CIITA: variants seen among roughly 807,000 people sequenced by gnomAD.
CIITA encodes the protein class II major histocompatibility complex transactivator.
CIITA carries 72 observed loss-of-function variants against 115.1 expected under a neutral mutation model. The ratio of observed to expected loss-of-function variants is 0.63; its 90% CI spans 0.52 to 0.76. CIITA has a LOEUF of 0.76. CIITA is among the 30% of genes least tolerant of loss of function. The pLI is 0.00. For missense variants in CIITA, 1,617 were observed against 1,463.8 expected (o/e 1.10, Z -1.71); for synonymous variants, 763 against 635.6 (o/e 1.20, Z -3.02).
In CIITA at chr16:10,904,693, C is replaced by A. The variant is rs768812733; in HGVS notation, c.938-51C>A. ...CTAAGTGGCCCAGAGGGAGGGGGGT[C>A]CCCAGGGGTAACCCTCACCCTAAAT... On this transcript the variant is annotated intron_variant, in intron 9 of 19. Coordinates refer to ENST00000324288, the MANE Select transcript of CIITA (RefSeq NM_000246.4). 8.1e-6 allele frequency: 13 copies of A among 1,600,028 alleles called. No homozygotes were observed. The East Asian group carries it at 2.9e-4, about 36-fold the overall frequency.
chr16:10,907,624 T>G lies in CIITA; in HGVS notation c.2132T>G (p.Phe711Cys), dbSNP rs2039265993. ...AAESELAFPS[F>C]LLQCFLGALW... ...GAGTCCGAGCTGGCCTTCCCCAGCT[T>G]CCTCCTGCAATGCTTCCTGGGGGCC... The change falls in exon 11 of 20, where the codon TTC becomes TGC. Residue 711 changes from phenylalanine (F) to cysteine (C), a missense_variant. Phe to Cys is a radical substitution (Grantham distance 205). Coordinates refer to ENST00000324288, the MANE Select transcript of CIITA (RefSeq NM_000246.4). This position sits in a 1 kb window ranked among gnomAD's most constrained non-coding sequence, Gnocchi z 5.0. 1.2e-6 allele frequency: 2 copies of G among 1,614,156 alleles called. No homozygotes were observed. The highest frequency in any genetic ancestry group is 1.7e-6 in the Non-Finnish European group (2 of 1,180,014).
At chr16:10,890,150 G>A (rs1596475220) in intron 1 of CIITA, among the ~76,000 whole-genome samples, 1 of 152,238 alleles carries the variant, frequency 6.6e-6, no homozygotes, top group African/African-American at 2.4e-5. Context: ...CTTCTGGGAG[G>A]GGGTTTCTTC....
intron 1 of CIITA, chr16:10,866,386 G>GTCCTCT (rs1276888744): frequency 2.1e-5 from 12 of 566,802 alleles, no homozygotes; most frequent in South Asian, 1.5e-4. Flanking sequence ...CCTGCTGAAG[G>GTCCTCT]AGGACCTCCT....
At chr16:10,915,106 A>T in intron 13 of CIITA, 1 of 451,728 alleles carries the variant, frequency 2.2e-6, no homozygotes, top group Non-Finnish European at 4.4e-6. Flanking sequence ...GCTGGAGTGC[A>T]GTGGTGTGAT....
At position 10,893,804 on chromosome 16, in the gene CIITA, T is replaced by TAAAAAAAAAA; in HGVS notation, c.53-1457_53-1448dup. Among the ~76,000 whole-genome samples the TAAAAAAAAAA allele has an allele frequency of 6.1e-3, 197 of 32,170 alleles. 22 individuals carry two copies. Among genetic ancestry groups the TAAAAAAAAAA allele is most frequent in the East Asian group, 0.013 (8 of 598 alleles). 21.1% of individuals were successfully genotyped at this position (32,170 alleles called of 152,430 possible). A position where few individuals can be genotyped will look rare whatever the true frequency, so the allele number is the denominator to read the frequency against. Reference sequence around the variant, plus strand: ...AGCCTGGGTGACAGAGACTCCGTCTTAAAAAAAAAAAAAAAAAAAAAAAAA... The same window carrying TAAAAAAAAAA: ...AGCCTGGGTGACAGAGACTCCGTCTTAAAAAAAAAAAAAAAAAAAAAAAAAAAAAAAAAAA... On this transcript the variant is annotated intron_variant, in intron 1 of 19. Coordinates refer to ENST00000324288, the MANE Select transcript of CIITA (RefSeq NM_000246.4).
At chr16:10,868,542 A>C (rs1371060847) in intron 1 of CIITA, among the ~76,000 whole-genome samples, 4 of 152,134 alleles carry the variant, frequency 2.6e-5, no homozygotes, top group Non-Finnish European at 5.9e-5. Context: ...ACCTAGGCAA[A>C]GGGGCATCTT....
chr16:10,904,780 G>A lies in CIITA; in HGVS notation c.974G>A (p.Gly325Glu), dbSNP rs775466036. The A allele has an allele frequency of 6.2e-7, 1 of 1,614,192 alleles. No homozygotes were observed. The highest frequency in any genetic ancestry group is 8.5e-7 in the Non-Finnish European group (1 of 1,180,020). Residue 325 changes from glycine (G) to glutamate (E), a missense_variant, in exon 10 of 20, where the codon GGA becomes GAA. Transcript: ENST00000324288. ...KTSPTQCPAA[G>E]EVSNKLPKWP... ...TCCCCCACCCAATGCCCGGCAGCTG[G>A]AGAGGTCTCCAACAAGCTTCCAAAA...
In CIITA at chr16:10,915,585, A is replaced by T. The variant is rs373511328; in HGVS notation, c.2904A>T (p.Ser968=). 1 of 1,614,074 alleles carries T rather than the reference A, an allele frequency of 6.2e-7. No homozygotes were observed. The highest frequency in any genetic ancestry group is 1.1e-5 in the South Asian group (1 of 91,082). ...KKLEFALGPV[S]GPQAFPKLVR... is the part of the protein sequence containing the mutation. Reference sequence around the variant, plus strand: ...TGCCTCCTAGGCTGGGCCCTGTCTCAGGCCCCCAGGCTTTCCCCAAACTGG... The same window carrying T: ...TGCCTCCTAGGCTGGGCCCTGTCTCTGGCCCCCAGGCTTTCCCCAAACTGG... The change falls in exon 14 of 20, where the codon TCA becomes TCT. Residue 968 remains serine (S), a synonymous_variant. Transcript: ENST00000324288.
rs772294009 is a variant in CIITA at position 10,895,388 on chromosome 16, G to A, written c.159G>A (p.Gln53=). 1 of 1,614,076 alleles carries A rather than the reference G, an allele frequency of 6.2e-7. No homozygotes were observed. Among genetic ancestry groups the A allele is most frequent in the South Asian group, 1.1e-5 (1 of 91,078 alleles). Residue 53 remains glutamine, a synonymous_variant, in exon 2 of 20, where the codon CAG becomes CAA. Coordinates refer to ENST00000324288, the MANE Select transcript of CIITA (RefSeq NM_000246.4). The stretch of plus-strand genomic sequence containing the variant: ...TGTGCCTCTACCACTTCTATGACCA[G>A]ATGGACCTGGCTGGAGAAGAAGAGA... ...DPLCLYHFYD[Q]MDLAGEEEIE... is the part of the protein sequence containing the mutation.
Position 10,918,746 on chromosome 16 carries a change from T to C in CIITA, c.3149+220T>C, listed in dbSNP as rs1361471161. On this transcript the variant is annotated intron_variant, in intron 16 of 19. Coordinates refer to ENST00000324288, the MANE Select transcript of CIITA (RefSeq NM_000246.4). ...ACCTGGAAAATGGGAACCATCCTAA[T>C]GGTCTATGTAAGCACTTGTCACAAT... is the stretch of plus-strand genomic sequence containing the variant. Among the ~76,000 whole-genome samples the C allele has an allele frequency of 2.0e-5, 3 of 152,244 alleles. No individual in the cohort carries two copies. In the East Asian group the frequency reaches 5.8e-4, roughly 29 times the overall value.
At chr16:10,898,891 T>G in intron 4 of CIITA, 34 bp from the exon 5 acceptor site, 1 of 1,611,842 alleles carries the variant, frequency 6.2e-7, no homozygotes, top group Non-Finnish European at 8.5e-7. Flanking sequence ...TTTCATTGAT[T>G]GTGTGAGTTG....
Position 10,926,578 on chromosome 16 carries a change from T to A in CIITA, c.*2723T>A, listed in dbSNP as rs1048403612. ...TTTTGAGACAGAGTTTTCACTCTTA[T>A]TGCCCACGCTGGAGTGCAGTGGCAT... is the stretch of plus-strand genomic sequence containing the variant. On this transcript the variant is annotated 3_prime_UTR_variant, in exon 20 of 20. Coordinates refer to ENST00000324288, the MANE Select transcript of CIITA (RefSeq NM_000246.4). 5 of 152,266 alleles carry A rather than the reference T, an allele frequency of 3.3e-5. No individual in the cohort carries two copies. The highest frequency in any genetic ancestry group is 3.3e-4 in the Admixed American group (5 of 15,284). 9.4% of individuals were successfully genotyped at this position (152,266 alleles called of 1,614,324 possible). A position where few individuals can be genotyped will look rare whatever the true frequency, so the allele number is the denominator to read the frequency against.
At chr16:10,914,084 C>G (rs1463600760) in intron 13 of CIITA, among the ~76,000 whole-genome samples, 1 of 152,104 alleles carries the variant, frequency 6.6e-6, no homozygotes, top group African/African-American at 2.4e-5. Flanking sequence ...GATTATCTGT[C>G]TATCTTCCCC....
In CIITA at chr16:10,877,366, C is replaced by A. The variant is rs367628451; in HGVS notation, c.36C>A (p.Tyr12Ter). 2 of 1,613,288 alleles carry A rather than the reference C, an allele frequency of 1.2e-6. No homozygotes were observed. Among genetic ancestry groups the A allele is most frequent in the Non-Finnish European group, 1.7e-6 (2 of 1,179,558 alleles). ...RCLAPRPAGS[Y>*]LSEPQGSSQC... ...TGGCTCCACGCCCTGCTGGGTCCTA[C>A]CTGTCAGAGCCCCAAGGTAAAAAGG... The change falls in exon 1 of 20, where the codon TAC becomes TAA. Residue 12 changes from tyrosine to a stop codon, truncating the protein, a stop_gained. Coordinates refer to ENST00000324288, the MANE Select transcript of CIITA (RefSeq NM_000246.4). LOFTEE classifies it high-confidence loss of function.
chr16:10,897,150 A>G (rs182095974), intron 3 of CIITA, among the ~76,000 whole-genome samples: 13 of 152,314 alleles, frequency 8.5e-5, no homozygotes, highest in African/African-American at 2.9e-4. Flanking sequence ...CCTGACACTG[A>G]GTAATTTATA....
chr16:10,915,747 C>A, intron 14 of CIITA, 97 bp downstream of exon 14: 1 of 1,094,678 alleles, frequency 9.1e-7, no homozygotes, highest in Non-Finnish European at 1.4e-6. Context: ...TCAAGTAGTC[C>A]TCCTGCCTCA....
Position 10,931,728 on chromosome 16 carries a change from A to G in CIITA, c.*7873A>G, listed in dbSNP as rs2040805002. 6.6e-6 allele frequency: 1 copy of G among 152,214 alleles called. No homozygotes were observed. The highest frequency in any genetic ancestry group is 1.5e-5 in the Non-Finnish European group (1 of 68,058). The allele number at this position is 152,214 out of a possible 1,614,324, so 9.4% of individuals were successfully genotyped here. On this transcript the variant is annotated 3_prime_UTR_variant, in exon 20 of 20. Transcript: ENST00000324288. ...CCGCGTCTCTACTAAAAACAAACAA[A>G]CAAAAATACAAAATTCGCTGGGCAT... is the stretch of plus-strand genomic sequence containing the variant.
chr16:10,908,317 G>A (rs1232107984), intron 11 of CIITA, 168 bp downstream of exon 11: 2 of 828,170 alleles, frequency 2.4e-6, no homozygotes, highest in Non-Finnish European at 4.0e-6. Context: ...TCAGAGAGGG[G>A]CAGCCACTTG....
Position 10,936,002 on chromosome 16 carries a change from T to C in CIITA, c.*12147T>C, listed in dbSNP as rs2145411677. ...CTACTGGGACAATTTTTTTTTTTTT[T>C]CGTTTTGAGACAGGGTCTCGCTCAG... On this transcript the variant is annotated 3_prime_UTR_variant, in exon 20 of 20. Coordinates refer to ENST00000324288, the MANE Select transcript of CIITA (RefSeq NM_000246.4). 6.6e-6 allele frequency: 1 copy of C among 151,330 alleles called. No individual in the cohort carries two copies. The highest frequency in any genetic ancestry group is 2.1e-4 in the South Asian group (1 of 4,786). The allele number at this position is 151,330 out of a possible 1,614,324, so 9.4% of individuals were successfully genotyped here. A position where few individuals can be genotyped will look rare whatever the true frequency, so the allele number is the denominator to read the frequency against.
Sources: allele counts gnomAD v4.1 joint callset (sites outside exome capture counted in the v4.1 genomes callset), GRCh38; gene constraint gnomAD v4.1.1; non-coding constraint Gnocchi (gnomAD v3.1); transcripts MANE v1.5; gene names NCBI Gene and HGNC (gene_info 2026-07-23, HGNC 2026-07-21).